The following NBEA variants were observed in gnomAD, a reference collection of about 807,000 sequenced individuals.
The protein encoded by NBEA is lysosomal-trafficking regulator 2.
Under a neutral mutation model 343.4 loss-of-function variants are expected in NBEA, and 44 were observed. That is an observed-to-expected ratio of 0.13 (90% CI 0.10 to 0.16). NBEA has a LOEUF of 0.16. NBEA is among the 10% of genes least tolerant of loss of function. NBEA has a pLI of 1.00. For missense variants in NBEA, 2,555 were observed against 3,631.3 expected (o/e 0.70, Z 7.62); for synonymous variants, 1,175 against 1,238.7 (o/e 0.95, Z 1.08).
chr13:35,217,191 G>A (rs1593790732), intron 33 of NBEA, among the ~76,000 whole-genome samples: 2 of 151,828 alleles, frequency 1.3e-5, no homozygotes, highest in African/African-American at 4.8e-5. Context: ...TGAATTGTCT[G>A]TTCATGTCTT....
chr13:35,083,719 G>A (rs145700635), intron 10 of NBEA, among the ~76,000 whole-genome samples: 5 of 152,062 alleles, frequency 3.3e-5, no homozygotes, highest in Non-Finnish European at 5.9e-5. Context: ...AAAATAACCA[G>A]CTAACATCAT....
intron 39 of NBEA, among the ~76,000 whole-genome samples, chr13:35,444,009 C>T (rs904208839): frequency 1.3e-5 from 2 of 151,848 alleles, no homozygotes; most frequent in African/African-American, 4.8e-5. Context: ...AGATGATTTA[C>T]AAAGAAAAAT....
chr13:35,158,111 A>T lies in NBEA; in HGVS notation c.2844+841A>T, dbSNP rs191865151. ...TGTTTGAATAAACCTTTATTCACCC[A>T]AAGAGGTGATAAGCAGTTTTGTCCC... On this transcript the variant is annotated intron_variant, in intron 21 of 58. Transcript: ENST00000379939. Among the ~76,000 whole-genome samples the T allele has an allele frequency of 1.2e-3, 182 of 152,228 alleles. 1 individual carries two copies. The highest frequency in any genetic ancestry group is 4.2e-3 in the African/African-American group (173 of 41,562).
chr13:35,304,791 G>A (rs756874093), intron 35 of NBEA, among the ~76,000 whole-genome samples: 6 of 151,740 alleles, frequency 4.0e-5, no homozygotes, highest in Non-Finnish European at 8.8e-5. Flanking sequence ...GTATTTTAAA[G>A]GCACATAACC....
intron 36 of NBEA, among the ~76,000 whole-genome samples, chr13:35,339,558 G>A (rs1034829345): frequency 1.3e-5 from 2 of 152,044 alleles, no homozygotes; most frequent in African/African-American, 2.4e-5. Context: ...TTGCTATAAA[G>A]AAATACCTGA....
In NBEA at chr13:35,567,225, A is replaced by G. The variant is rs1229994099; in HGVS notation, c.7035+208A>G. 3.3e-5 allele frequency among the ~76,000 whole-genome samples: 5 copies of G among 152,236 alleles called. No homozygotes were observed. The East Asian group carries it at 9.6e-4, about 29-fold the overall frequency. On this transcript the variant is annotated intron_variant, in intron 45 of 58. Transcript: ENST00000379939. Reference sequence around the variant, plus strand: ...CTAGTACTAGCATAGGCAAAATGAAATGGGTATTTGAGAAACAGCAGATGT... The same window carrying G: ...CTAGTACTAGCATAGGCAAAATGAAGTGGGTATTTGAGAAACAGCAGATGT...
chr13:35,197,972 A>T (rs1353866677), intron 31 of NBEA, among the ~76,000 whole-genome samples: 1 of 152,204 alleles, frequency 6.6e-6, no homozygotes, highest in Admixed American at 6.5e-5. Flanking sequence ...TTTAGAGAGT[A>T]GTAAGAAGAT....
intron 17 of NBEA, among the ~76,000 whole-genome samples, chr13:35,128,061 T>C (rs1940921078): frequency 8.3e-6 from 1 of 120,588 alleles, no homozygotes; most frequent in Admixed American, 1.1e-4. Context: ...AAAGTTTTAT[T>C]ATATAAGTAC....
chr13:35,506,937 CA>C (rs1261043432), intron 41 of NBEA, among the ~76,000 whole-genome samples: 3 of 152,118 alleles, frequency 2.0e-5, no homozygotes, highest in Non-Finnish European at 4.4e-5. Flanking sequence ...ATGTTTATAG[CA>C]ATAAGGACCT....
intron 45 of NBEA, among the ~76,000 whole-genome samples, chr13:35,569,095 TAG>T (rs2080274750): frequency 6.6e-6 from 1 of 152,194 alleles, no homozygotes; most frequent in Non-Finnish European, 1.5e-5. Flanking sequence ...ATGACAATAA[TAG>T]AGTGGTGAAT....
Position 35,159,343 on chromosome 13 carries a change from G to C in NBEA, c.3172G>C (p.Asp1058His). The C allele has an allele frequency of 1.9e-6, 3 of 1,613,494 alleles. No individual in the cohort carries two copies. Among genetic ancestry groups the C allele is most frequent in the Non-Finnish European group, 2.5e-6 (3 of 1,179,650 alleles). ...TGTGGAAGTACATGATCTTTTAGTA[G>C]ATATAAAAGCAGAGAAAGTGGAAGC... ...VHVEVHDLLV[D>H]IKAEKVEATE... Residue 1058 changes from aspartate to histidine, a missense_variant, in exon 22 of 59, where the codon GAT (aspartate) becomes CAT (histidine). By Grantham distance (81) the Asp-to-His change is moderately conservative. Transcript: ENST00000379939.
chr13:35,498,385 C>T (rs894685999), intron 41 of NBEA, among the ~76,000 whole-genome samples: 1 of 151,950 alleles, frequency 6.6e-6, no homozygotes, highest in Non-Finnish European at 1.5e-5. Context: ...ACAAGGGATC[C>T]ACAGGCAGGA....
intron 49 of NBEA, among the ~76,000 whole-genome samples, chr13:35,628,465 T>G: frequency 6.6e-6 from 1 of 152,236 alleles, no homozygotes; most frequent in Admixed American, 6.5e-5. Flanking sequence ...TAAATATACT[T>G]CTATATCTGT....
At chr13:35,042,675 T>C (rs902707992) in intron 2 of NBEA, among the ~76,000 whole-genome samples, 3 of 151,928 alleles carry the variant, frequency 2.0e-5, no homozygotes, top group Admixed American at 6.6e-5. Context: ...TTTTTCTCAG[T>C]AATAATATTA....
At chr13:35,097,608 A>T (rs2065405522) in intron 10 of NBEA, among the ~76,000 whole-genome samples, 1 of 151,898 alleles carries the variant, frequency 6.6e-6, no homozygotes, top group Admixed American at 6.6e-5. Flanking sequence ...ATTTCTTTTT[A>T]TTTTGTTTCT....
chr13:35,097,207 G>T (rs888186028), intron 10 of NBEA, among the ~76,000 whole-genome samples: 1 of 151,772 alleles, frequency 6.6e-6, no homozygotes, highest in African/African-American at 2.4e-5. Context: ...AACTGGAAGA[G>T]CTAGAATAAT....
intron 38 of NBEA, among the ~76,000 whole-genome samples, chr13:35,357,341 G>T (rs926203755): frequency 6.6e-6 from 1 of 151,708 alleles, no homozygotes; most frequent in Admixed American, 6.6e-5. Context: ...ACATGTGCAG[G>T]TTTGTTACAT....
intron 48 of NBEA, among the ~76,000 whole-genome samples, chr13:35,615,763 G>A (rs2153057258): frequency 6.6e-6 from 1 of 152,292 alleles, no homozygotes; most frequent in African/African-American, 2.4e-5. Context: ...TGGAGGAGAG[G>A]AGAAAGGAGA....
At chr13:35,548,677 C>CATT (rs2079176057) in intron 41 of NBEA, among the ~76,000 whole-genome samples, 1 of 151,958 alleles carries the variant, frequency 6.6e-6, no homozygotes, top group African/African-American at 2.4e-5. Context: ...GCTGTTTTGT[C>CATT]TTAAAATGTT....
Sources: gnomAD v4.1 joint callset for allele counts (sites outside exome capture counted in the v4.1 genomes callset) on GRCh38, gnomAD v4.1.1 for gene constraint, MANE v1.5 for transcripts, NCBI Gene and HGNC (gene_info 2026-07-23, HGNC 2026-07-21) for gene names.